Variants in RBL1 observed in about 807,000 individuals in gnomAD.
RBL1 encodes retinoblastoma-like protein 1.
RBL1 carries 82 observed loss-of-function variants against 123.0 expected under a neutral mutation model. That is an observed-to-expected ratio of 0.67 (90% CI 0.56 to 0.80). RBL1 has a LOEUF of 0.80. Among genes scored for constraint, RBL1 ranks in the 30% least tolerant of loss-of-function variants. The pLI is 0.00. For synonymous variants in RBL1, 405 were observed against 441.3 expected, an observed-to-expected ratio of 0.92 and a Z score of 1.03; for missense variants, 1,171 against 1,299.6, an observed-to-expected ratio of 0.90 and a Z score of 1.52.
At position 37,095,824 on chromosome 20, in the gene RBL1, C is replaced by T. The variant is rs762433591; in HGVS notation, c.105G>A (p.Ala35=). 6.2e-7 allele frequency: 1 copy of T among 1,609,378 alleles called. No homozygotes were observed. The highest frequency in any genetic ancestry group is 8.5e-7 in the Non-Finnish European group (1 of 1,178,584). The change falls in exon 1 of 22, where the codon GCG becomes GCA. Residue 35 remains alanine (A), a synonymous_variant. Coordinates refer to ENST00000373664, the MANE Select transcript of RBL1 (RefSeq NM_002895.5). ...CQELNLDEGS[A]AEALDDFTAI... ...CAGTAAAGTCGTCCAGGGCTTCGGCCGCGCTCCCCTCGTCCAGGTTCAGCT... is the reference window on the plus strand; with the variant it reads ...CAGTAAAGTCGTCCAGGGCTTCGGCTGCGCTCCCCTCGTCCAGGTTCAGCT...
chr20:37,079,107 G>A (rs565323319), intron 2 of RBL1, among the ~76,000 whole-genome samples: 188 of 151,516 alleles, frequency 1.2e-3, no homozygotes, highest in African/African-American at 4.4e-3. Flanking sequence ...GGGAGGGTGA[G>A]GTGGGAGGAC....
At chr20:37,085,647 A>ATTTTTTTTTTT (rs1202673380) in intron 2 of RBL1, among the ~76,000 whole-genome samples, 2 of 84,606 alleles carry the variant, frequency 2.4e-5, no homozygotes, top group African/African-American at 4.7e-5. Flanking sequence ...TTGAAATTTG[A>ATTTTTTTTTTT]TTTTTTTTTT....
In RBL1 at chr20:37,056,132, T is replaced by C; in HGVS notation, c.1363+14A>G. On this transcript the variant is annotated intron_variant, in intron 10 of 21. Coordinates refer to ENST00000373664, the MANE Select transcript of RBL1 (RefSeq NM_002895.5). Reference sequence around the variant, plus strand: ...ATTTTCAATGCTATGCCAACTGTAGTTTTCTTTTCTTACCTATGTGAGATC... The same window carrying C: ...ATTTTCAATGCTATGCCAACTGTAGCTTTCTTTTCTTACCTATGTGAGATC... The C allele has an allele frequency of 6.3e-7, 1 of 1,599,648 alleles. No individual in the cohort carries two copies. The highest frequency in any genetic ancestry group is 8.5e-7 in the Non-Finnish European group (1 of 1,176,838).
intron 7 of RBL1, among the ~76,000 whole-genome samples, chr20:37,063,275 AC>A (rs1313024060): frequency 1.3e-5 from 2 of 152,000 alleles, no homozygotes; most frequent in Non-Finnish European, 2.9e-5. Flanking sequence ...ACGGGGTTTC[AC>A]CATGTTGGCC....
chr20:37,072,208 C>A (rs550399952), intron 2 of RBL1, among the ~76,000 whole-genome samples: 7 of 152,332 alleles, frequency 4.6e-5, no homozygotes, highest in African/African-American at 1.7e-4. Context: ...GTGGCTCACG[C>A]CTGTAATCCC....
chr20:37,044,772 C>T (rs897722044), intron 12 of RBL1, among the ~76,000 whole-genome samples: 1 of 152,132 alleles, frequency 6.6e-6, no homozygotes, highest in African/African-American at 2.4e-5. Context: ...CTGTTTTTCA[C>T]GTTTTATATT....
intron 19 of RBL1, among the ~76,000 whole-genome samples, chr20:37,016,246 T>A (rs2064251503): frequency 6.6e-6 from 1 of 152,070 alleles, no homozygotes; most frequent in South Asian, 2.1e-4. Flanking sequence ...CAGGCTGGTC[T>A]CGAACTCCTG....
chr20:37,056,249 C>T lies in RBL1; in HGVS notation c.1260G>A (p.Val420=). 1 of 1,601,610 alleles carries T rather than the reference C, an allele frequency of 6.2e-7. No individual in the cohort carries two copies. The highest frequency in any genetic ancestry group is 8.5e-7 in the Non-Finnish European group (1 of 1,177,396). The change falls in exon 10 of 22, where the codon GTG becomes GTA. Residue 420 remains valine (V), a synonymous_variant. Transcript: ENST00000373664. Reference sequence around the variant, plus strand: ...TCATAATGTTTTCCACAGGATTACGCACACAAGATCTACAAAATACAAGAG... The same window carrying T: ...TCATAATGTTTTCCACAGGATTACGTACACAAGATCTACAAAATACAAGAG... ...DQLINIFESC[V]RNPVENIMKI... is the part of the protein sequence containing the mutation.
chr20:37,018,706 C>T (rs1364596365), intron 18 of RBL1, among the ~76,000 whole-genome samples: 4 of 152,190 alleles, frequency 2.6e-5, no homozygotes, highest in Non-Finnish European at 4.4e-5. Flanking sequence ...AATCCCAGCA[C>T]TTTGGGAGGC....
intron 16 of RBL1, among the ~76,000 whole-genome samples, chr20:37,025,988 C>T (rs970736299): frequency 1.3e-5 from 2 of 152,086 alleles, no homozygotes; most frequent in Admixed American, 1.3e-4. Flanking sequence ...CATGATCCGC[C>T]CGTCTTGGCC....
intron 21 of RBL1, among the ~76,000 whole-genome samples, chr20:37,000,832 G>T (rs1340861235): frequency 7.4e-6 from 1 of 135,710 alleles, no homozygotes; most frequent in Non-Finnish European, 1.6e-5. Flanking sequence ...GCCTCTGCCT[G>T]GCCGCCCCTA....
intron 16 of RBL1, among the ~76,000 whole-genome samples, chr20:37,024,868 G>C (rs539388149): frequency 6.6e-6 from 1 of 152,176 alleles, no homozygotes; most frequent in Non-Finnish European, 1.5e-5. Context: ...GGCATAGGAG[G>C]GGGTGAAGGG....
chr20:37,034,820 G>A (rs969548136), intron 15 of RBL1, among the ~76,000 whole-genome samples: 1 of 151,802 alleles, frequency 6.6e-6, no homozygotes, highest in Non-Finnish European at 1.5e-5. Flanking sequence ...AGGATTTATA[G>A]GGCAGTGAAA....
intron 2 of RBL1, among the ~76,000 whole-genome samples, chr20:37,074,884 T>C (rs2065339812): frequency 6.6e-6 from 1 of 152,104 alleles, no homozygotes; most frequent in African/African-American, 2.4e-5. Flanking sequence ...TCTCCATATA[T>C]ATCCAAAAGA....
chr20:37,085,131 T>G (rs2065519194), intron 2 of RBL1, among the ~76,000 whole-genome samples: 1 of 150,162 alleles, frequency 6.7e-6, no homozygotes, highest in South Asian at 2.1e-4. Flanking sequence ...TCTTTTCTTT[T>G]CTTTTTTTTT....
chr20:37,044,312 C>T, intron 12 of RBL1, 62 bp from the exon 13 acceptor site: 2 of 1,485,244 alleles, frequency 1.3e-6, no homozygotes, highest in East Asian at 2.3e-5. Flanking sequence ...TCTGGACTTG[C>T]ATGTAGGACT....
intron 13 of RBL1, among the ~76,000 whole-genome samples, chr20:37,041,008 A>G (rs758611932): frequency 1.2e-4 from 19 of 152,188 alleles, no homozygotes; most frequent in Non-Finnish European, 2.8e-4. Flanking sequence ...AAATAAACTG[A>G]TGAATACTGA....
At chr20:37,072,555 C>A (rs978566277) in intron 2 of RBL1, among the ~76,000 whole-genome samples, 10 of 152,140 alleles carry the variant, frequency 6.6e-5, no homozygotes, top group African/African-American at 2.4e-4. Context: ...CATGTGAAAC[C>A]CTCTGCTTTG....
At chr20:37,073,980 G>A (rs1252405734) in intron 2 of RBL1, among the ~76,000 whole-genome samples, 8 of 151,936 alleles carry the variant, frequency 5.3e-5, no homozygotes, top group Non-Finnish European at 8.8e-5. Flanking sequence ...GTGTGGTGGC[G>A]GGCACCTGTA....
Sources: gnomAD v4.1 joint callset for allele counts (sites outside exome capture counted in the v4.1 genomes callset) on GRCh38, gnomAD v4.1.1 for gene constraint, MANE v1.5 for transcripts, NCBI Gene and HGNC (gene_info 2026-07-23, HGNC 2026-07-21) for gene names.